NUDCD1: variants seen among roughly 807,000 people sequenced by gnomAD.
The protein encoded by NUDCD1 is nudC domain-containing protein 1.
A neutral mutation model predicts 67.8 loss-of-function variants in NUDCD1; 60 were observed. The ratio of observed to expected loss-of-function variants is 0.88; its 90% CI spans 0.72 to 1.10. The LOEUF (loss-of-function observed/expected upper bound fraction) is 1.10, where lower values mean the gene tolerates loss of function less well. NUDCD1 is among the 50% of genes least tolerant of loss of function. The pLI is 0.00. For synonymous variants in NUDCD1, 244 were observed against 230.8 expected (o/e 1.06, Z -0.52); for missense variants, 643 against 695.0 (o/e 0.93, Z 0.84).
intron 4 of NUDCD1, 121 bp from the exon 5 acceptor site, chr8:109,290,054 A>G (rs1814674617): frequency 2.0e-6 from 1 of 510,504 alleles, no homozygotes; most frequent in Non-Finnish European, 3.3e-6. Context: ...TAAAAGGTAC[A>G]CTATTAAGAG....
At chr8:109,248,338 T>C (rs1244191003) in intron 8 of NUDCD1, among the ~76,000 whole-genome samples, 1 of 152,216 alleles carries the variant, frequency 6.6e-6, no homozygotes, top group African/African-American at 2.4e-5. Context: ...AGCAATTCGT[T>C]GCAGTAATAA....
In NUDCD1 at chr8:109,240,982, CATG is replaced by C; in HGVS notation, c.*2024_*2026del. The C allele has an allele frequency of 6.6e-6, 1 of 152,166 alleles. No individual in the cohort carries two copies. Among genetic ancestry groups the C allele is most frequent in the Middle Eastern group, 3.4e-3 (1 of 294 alleles). 9.4% of individuals were successfully genotyped at this position (152,166 alleles called of 1,614,324 possible). A position where few individuals can be genotyped will look rare whatever the true frequency, so the allele number is the denominator to read the frequency against. ...ATATTTTATAAATTCCTATTTAAAACATGATAAAAATCAACAAAAATACAAGGT... is the reference window on the plus strand; with the variant it reads ...ATATTTTATAAATTCCTATTTAAAACATAAAAATCAACAAAAATACAAGGT... On this transcript the variant is annotated 3_prime_UTR_variant, in exon 10 of 10. Coordinates refer to ENST00000239690, the MANE Select transcript of NUDCD1 (RefSeq NM_032869.4).
chr8:109,327,837 T>C (rs889146138), intron 1 of NUDCD1, among the ~76,000 whole-genome samples: 2 of 152,252 alleles, frequency 1.3e-5, no homozygotes, highest in Non-Finnish European at 2.9e-5. Flanking sequence ...CTTCCTTTTC[T>C]CTGCCTGGCC....
Position 109,296,578 on chromosome 8 carries a change from A to C in NUDCD1, c.274-9T>G. Reference sequence around the variant, plus strand: ...TTTCCTAAGGCAGTGTCCTAAAAAGACCAAACATTATACATTAATCTCTTC... The same window carrying C: ...TTTCCTAAGGCAGTGTCCTAAAAAGCCCAAACATTATACATTAATCTCTTC... On this transcript the variant is annotated splice_polypyrimidine_tract_variant and intron_variant, in intron 2 of 9. Transcript: ENST00000239690. 1 of 1,570,654 alleles carries C rather than the reference A, an allele frequency of 6.4e-7. No individual in the cohort carries two copies. Among genetic ancestry groups the C allele is most frequent in the Non-Finnish European group, 8.7e-7 (1 of 1,147,700 alleles).
chr8:109,272,625 A>G (rs1299755691), intron 7 of NUDCD1, among the ~76,000 whole-genome samples: 1 of 152,192 alleles, frequency 6.6e-6, no homozygotes, highest in Non-Finnish European at 1.5e-5. Flanking sequence ...CAACTGACCA[A>G]ATGTGTAAAC....
intron 9 of NUDCD1, 98 bp from the exon 10 acceptor site, chr8:109,243,399 A>T: frequency 1.0e-6 from 1 of 979,304 alleles, no homozygotes; most frequent in South Asian, 2.0e-5. Flanking sequence ...GTTTATTACA[A>T]ATTAAAATGC....
intron 1 of NUDCD1, among the ~76,000 whole-genome samples, chr8:109,325,813 A>T (rs1815669121): frequency 6.6e-6 from 1 of 152,268 alleles, no homozygotes; most frequent in African/African-American, 2.4e-5. Flanking sequence ...AAGAGTACTT[A>T]TAACTACAAT....
At chr8:109,262,931 T>A (rs1037738023) in intron 8 of NUDCD1, among the ~76,000 whole-genome samples, 2 of 151,458 alleles carry the variant, frequency 1.3e-5, no homozygotes, top group Admixed American at 1.3e-4. Context: ...GGCGGGCACC[T>A]GTAATCCCAG....
intron 5 of NUDCD1, among the ~76,000 whole-genome samples, chr8:109,281,806 G>C (rs1451174739): frequency 6.6e-6 from 1 of 152,118 alleles, no homozygotes; most frequent in Non-Finnish European, 1.5e-5. Flanking sequence ...TCATAGATCT[G>C]GTGTTGGGGG....
chr8:109,245,283 T>C, intron 9 of NUDCD1, 39 bp downstream of exon 9: 1 of 1,574,446 alleles, frequency 6.4e-7, no homozygotes, highest in South Asian at 1.2e-5. Context: ...TGACTGTATT[T>C]CTGATTTCAT....
intron 8 of NUDCD1, among the ~76,000 whole-genome samples, chr8:109,247,796 C>A (rs547888849): frequency 2.6e-5 from 4 of 152,270 alleles, no homozygotes; most frequent in African/African-American, 9.6e-5. Context: ...CTGAGAACTC[C>A]AGCATCATGT....
chr8:109,297,949 T>C (rs1814882541), intron 2 of NUDCD1, among the ~76,000 whole-genome samples: 1 of 152,184 alleles, frequency 6.6e-6, no homozygotes, highest in African/African-American at 2.4e-5. Flanking sequence ...AGAACTTAGA[T>C]CTATATATGC....
intron 2 of NUDCD1, among the ~76,000 whole-genome samples, chr8:109,298,021 T>C (rs1814883846): frequency 6.6e-6 from 1 of 152,154 alleles, no homozygotes; most frequent in African/African-American, 2.4e-5. Context: ...TGGTGACCCA[T>C]TTTTTCTTTC....
At chr8:109,323,404 C>T (rs558839112) in intron 1 of NUDCD1, among the ~76,000 whole-genome samples, 2 of 152,020 alleles carry the variant, frequency 1.3e-5, no homozygotes, top group Admixed American at 6.5e-5. Flanking sequence ...CAATAGGCAT[C>T]GATGACACAG....
chr8:109,258,280 C>T (rs1813784459), intron 8 of NUDCD1, among the ~76,000 whole-genome samples: 1 of 152,098 alleles, frequency 6.6e-6, no homozygotes, highest in Non-Finnish European at 1.5e-5. Flanking sequence ...AAAAGACCAT[C>T]CTTTTCCCAC....
At position 109,242,460 on chromosome 8, in the gene NUDCD1, T is replaced by TA. The variant is rs1389750277; in HGVS notation, c.*548dup. 4 of 255,416 alleles carry TA rather than the reference T, an allele frequency of 1.6e-5. No homozygotes were observed. The highest frequency in any genetic ancestry group is 2.9e-5 in the Non-Finnish European group (4 of 136,518). The allele number at this position is 255,416 out of a possible 1,614,324, so 15.8% of individuals were successfully genotyped here. ...CTATGTCTGTGGCAGAGCAACTGGC[T>TA]AAAAGTTACATAAAGCTATACTTAA... On this transcript the variant is annotated 3_prime_UTR_variant, in exon 10 of 10. Transcript: ENST00000239690.
Position 109,242,802 on chromosome 8 carries a change from A to G in NUDCD1, c.*207T>C, listed in dbSNP as rs1813397011. ...ATCTTCACTCTTTTTTTTTTTCAGAAGCCAATGTTCTCTAAATCTGCAGCT... is the reference window on the plus strand; with the variant it reads ...ATCTTCACTCTTTTTTTTTTTCAGAGGCCAATGTTCTCTAAATCTGCAGCT... On this transcript the variant is annotated 3_prime_UTR_variant, in exon 10 of 10. Transcript: ENST00000239690. The G allele has an allele frequency of 3.0e-6, 1 of 335,820 alleles. No individual in the cohort carries two copies. Among genetic ancestry groups the G allele is most frequent in the African/African-American group, 2.1e-5 (1 of 47,442 alleles). The allele number at this position is 335,820 out of a possible 1,614,324, so 20.8% of individuals were successfully genotyped here. A position where few individuals can be genotyped will look rare whatever the true frequency, so the allele number is the denominator to read the frequency against.
At chr8:109,328,034 T>C (rs557560809) in intron 1 of NUDCD1, among the ~76,000 whole-genome samples, 40 of 152,310 alleles carry the variant, frequency 2.6e-4, no homozygotes, top group Non-Finnish European at 5.0e-4. Flanking sequence ...CATGGAAGAA[T>C]AGGAACCAGA....
chr8:109,281,684 T>A (rs796982885), intron 5 of NUDCD1, among the ~76,000 whole-genome samples: 1 of 152,212 alleles, frequency 6.6e-6, no homozygotes, highest in African/African-American at 2.4e-5. Flanking sequence ...CAACCCTTCC[T>A]GTGCATACAT....
Sources: gnomAD v4.1 joint callset for allele counts (sites outside exome capture counted in the v4.1 genomes callset) on GRCh38, gnomAD v4.1.1 for gene constraint, MANE v1.5 for transcripts, NCBI Gene and HGNC (gene_info 2026-07-23, HGNC 2026-07-21) for gene names.